The following IFT122 variants were observed in gnomAD, a reference collection of about 807,000 sequenced individuals.
IFT122 encodes intraflagellar transport 122.
In IFT122, 118 loss-of-function variants were observed where a neutral mutation model predicts 161.6. The observed-to-expected ratio is 0.73, with a 90% CI of 0.63 to 0.85. The LOEUF (loss-of-function observed/expected upper bound fraction) is 0.85, where lower values mean the gene tolerates loss of function less well. IFT122 is among the 40% of genes least tolerant of loss of function. The pLI is 0.00. For missense variants in IFT122, 1,381 were observed against 1,579.6 expected (o/e 0.87, Z 2.13); for synonymous variants, 550 against 602.4 (o/e 0.91, Z 1.27).
At chr3:129,516,344 G>GCA (rs1243837072) in intron 26 of IFT122, among the ~76,000 whole-genome samples, 2 of 79,950 alleles carry the variant, frequency 2.5e-5, no homozygotes, top group Admixed American at 1.4e-4. Flanking sequence ...GACTGCCCCT[G>GCA]CACACACACA....
intron 18 of IFT122, among the ~76,000 whole-genome samples, chr3:129,496,800 C>T (rs1396653746): frequency 1.3e-5 from 2 of 152,162 alleles, no homozygotes; most frequent in East Asian, 3.9e-4. Context: ...TCAGGCCCCA[C>T]CAAAGACACC....
chr3:129,514,307 C>A, intron 24 of IFT122, 82 bp from the exon 25 acceptor site: 2 of 1,489,450 alleles, frequency 1.3e-6, no homozygotes, highest in Non-Finnish European at 1.8e-6. Context: ...TGTGTTCCAG[C>A]CTGGGGCTCA....
At position 129,491,817 on chromosome 3, in the gene IFT122, C is replaced by T. The variant is rs116017407; in HGVS notation, c.1993-324C>T. Reference sequence around the variant, plus strand: ...TGCGTGACCCCCCAGAGGGTCAGACCGGCTTGTTCTTCTTTGGGTCTAGAG... The same window carrying T: ...TGCGTGACCCCCCAGAGGGTCAGACTGGCTTGTTCTTCTTTGGGTCTAGAG... On this transcript the variant is annotated intron_variant, in intron 16 of 29. Transcript: ENST00000348417. Among the ~76,000 whole-genome samples, 1,023 of 152,276 alleles carry T rather than the reference C, an allele frequency of 6.7e-3. 7 individuals carry two copies. Among genetic ancestry groups the T allele is most frequent in the African/African-American group, 0.023 (962 of 41,564 alleles).
chr3:129,509,285 C>T (rs2082517470), intron 23 of IFT122, among the ~76,000 whole-genome samples: 1 of 152,194 alleles, frequency 6.6e-6, no homozygotes, highest in African/African-American at 2.4e-5. Context: ...AAATGCCAAA[C>T]AACCGTAGAA....
intron 20 of IFT122, 120 bp from the exon 21 acceptor site, chr3:129,504,199 C>A: frequency 1.2e-6 from 1 of 816,272 alleles, no homozygotes; most frequent in South Asian, 1.4e-5. Flanking sequence ...GAGGCACTCT[C>A]CCCCTCTGAG....
At chr3:129,497,555 C>T (rs1476698263) in intron 18 of IFT122, among the ~76,000 whole-genome samples, 1 of 152,242 alleles carries the variant, frequency 6.6e-6, no homozygotes, top group Non-Finnish European at 1.5e-5. Context: ...ACTCCTGCCC[C>T]TGCTCTGAGG....
chr3:129,463,248 C>G, intron 5 of IFT122: 1 of 357,764 alleles, frequency 2.8e-6, no homozygotes. Flanking sequence ...GTGTAGATTG[C>G]CATCAGCGTG....
At chr3:129,476,893 T>G in intron 11 of IFT122, 92 bp downstream of exon 11, 41 of 1,552,080 alleles carry the variant, frequency 2.6e-5, no homozygotes, top group African/African-American at 4.1e-5. Flanking sequence ...AGGAAAAGGT[T>G]TCTCTTTGGC....
At chr3:129,482,811 G>A (rs1457374833) in intron 14 of IFT122, among the ~76,000 whole-genome samples, 2 of 152,154 alleles carry the variant, frequency 1.3e-5, no homozygotes, top group Admixed American at 6.5e-5. Flanking sequence ...AATTGCTACA[G>A]GAATACACTA....
intron 9 of IFT122, among the ~76,000 whole-genome samples, chr3:129,475,608 C>T (rs1243586964): frequency 1.3e-5 from 2 of 152,210 alleles, no homozygotes; most frequent in African/African-American, 2.4e-5. Flanking sequence ...GCCAAGATGG[C>T]GCCACTGCAC....
intron 26 of IFT122, among the ~76,000 whole-genome samples, chr3:129,516,064 AGACT>A (rs1406049475): frequency 6.7e-6 from 1 of 148,554 alleles, no homozygotes; most frequent in Non-Finnish European, 1.5e-5. Context: ...ACACACACAC[AGACT>A]GTCCCTGAAC....
chr3:129,474,130 G>T (rs1345453676), intron 9 of IFT122, among the ~76,000 whole-genome samples: 1 of 152,154 alleles, frequency 6.6e-6, no homozygotes, highest in East Asian at 1.9e-4. Context: ...ACTTATAATT[G>T]CAGTTTAAAT....
intron 27 of IFT122, 22 bp from the exon 28 acceptor site, chr3:129,519,085 A>C (rs1349648619): frequency 1.2e-6 from 2 of 1,608,868 alleles, no homozygotes; most frequent in South Asian, 2.2e-5. Flanking sequence ...TTCTGATTCC[A>C]TCCTTGACCA....
At position 129,471,520 on chromosome 3, in the gene IFT122, G is replaced by GAATGGGGTCTTGTTGCT. The variant is rs968399152; in HGVS notation, c.816+2105_816+2121dup. ...CAAATAACCACACTGCAGTGGGAGG[G>GAATGGGGTCTTGTTGCT]AATGGGGTCTTGTTGCTATGGCCAC... On this transcript the variant is annotated intron_variant, in intron 9 of 29. Transcript: ENST00000348417. 8.5e-5 allele frequency among the ~76,000 whole-genome samples: 13 copies of GAATGGGGTCTTGTTGCT among 152,300 alleles called. No homozygotes were observed. In the South Asian group the frequency reaches 2.5e-3, roughly 29 times the overall value.
intron 25 of IFT122, chr3:129,514,981 G>A (rs2083304757): frequency 5.5e-6 from 2 of 364,146 alleles, no homozygotes; most frequent in Non-Finnish European, 1.0e-5. Context: ...CTTCAACCCA[G>A]CCAGCTTCCT....
chr3:129,516,574 CACACAG>C (rs1348532635), intron 26 of IFT122, among the ~76,000 whole-genome samples: 22 of 128,494 alleles, frequency 1.7e-4, no homozygotes, highest in South Asian at 2.7e-4. Flanking sequence ...CACACACACA[CACACAG>C]AGAGACTGCC....
chr3:129,465,155 GTGT>G (rs2076603745), intron 7 of IFT122, among the ~76,000 whole-genome samples: 13 of 138,980 alleles, frequency 9.4e-5, no homozygotes, highest in African/African-American at 3.5e-4. Flanking sequence ...GTGTGTGTGT[GTGT>G]GTGGTGTGTG....
At position 129,476,867 on chromosome 3, in the gene IFT122, G is replaced by C. The variant is rs1054406956; in HGVS notation, c.1147+66G>C. The C allele has an allele frequency of 2.5e-6, 4 of 1,599,592 alleles. No homozygotes were observed. The African/African-American group carries it at 5.4e-5, about 21-fold the overall frequency. ...AAGCAGGTGGAAAGGGCTGGTGACAGGGCACTTGAAATGACAGGAAAAGGT... is the reference window on the plus strand; with the variant it reads ...AAGCAGGTGGAAAGGGCTGGTGACACGGCACTTGAAATGACAGGAAAAGGT... On this transcript the variant is annotated intron_variant, in intron 11 of 29. Coordinates refer to ENST00000348417, the MANE Select transcript of IFT122 (RefSeq NM_052989.3).
intron 1 of IFT122, among the ~76,000 whole-genome samples, chr3:129,444,425 T>A (rs1053201623): frequency 1.3e-5 from 2 of 152,256 alleles, no homozygotes; most frequent in Non-Finnish European, 2.9e-5. Flanking sequence ...CTTGCCTCTC[T>A]GTACTTTAGT....
Sources: allele counts gnomAD v4.1 joint callset (sites outside exome capture counted in the v4.1 genomes callset), GRCh38; gene constraint gnomAD v4.1.1; transcripts MANE v1.5; gene names NCBI Gene and HGNC (gene_info 2026-07-23, HGNC 2026-07-21).